Variants in XKR7 observed in about 807,000 individuals in gnomAD.
XKR7 encodes XK related 7, also known as XK-related protein 7.
A neutral mutation model predicts 42.2 loss-of-function variants in XKR7; 11 were observed. The ratio of observed to expected loss-of-function variants is 0.26; its 90% CI spans 0.16 to 0.43. The LOEUF (loss-of-function observed/expected upper bound fraction) is 0.43, where lower values mean the gene tolerates loss of function less well. Ranked by LOEUF, XKR7 falls within the 20% of genes least tolerant of loss-of-function variation. The pLI, the probability that XKR7 is intolerant of heterozygous loss-of-function variation, is 1.00. For missense variants in XKR7, 710 were observed against 802.2 expected (o/e 0.89, Z 1.39); for synonymous variants, 346 against 366.4 (o/e 0.94, Z 0.64).
chr20:31,995,996 C>T lies in XKR7; in HGVS notation c.788-509C>T, dbSNP rs902023365. The stretch of plus-strand genomic sequence containing the variant: ...CCCAGTTACGGGGTCCCAATCACAA[C>T]GCTTCCCACCTTGGGTCTCCCCATC... On this transcript the variant is annotated intron_variant, in intron 2 of 2. Coordinates refer to ENST00000562532, the MANE Select transcript of XKR7 (RefSeq NM_001011718.2). This position sits in a 1 kb window ranked among gnomAD's most constrained non-coding sequence, Gnocchi z 4.1. Among the ~76,000 whole-genome samples, 3 of 152,040 alleles carry T rather than the reference C, an allele frequency of 2.0e-5. No individual in the cohort carries two copies. The highest frequency in any genetic ancestry group is 6.5e-5 in the Admixed American group (1 of 15,270).
Position 31,989,364 on chromosome 20 carries a change from A to C in XKR7, c.585-5704A>C, listed in dbSNP as rs2064558758. Reference sequence around the variant, plus strand: ...AGAAACAGGCAGGGCCAGATGGTTTAGGGCCTGCACGCCGAGGGGAGAAGC... The same window carrying C: ...AGAAACAGGCAGGGCCAGATGGTTTCGGGCCTGCACGCCGAGGGGAGAAGC... On this transcript the variant is annotated intron_variant, in intron 1 of 2. Coordinates refer to ENST00000562532, the MANE Select transcript of XKR7 (RefSeq NM_001011718.2). 2.0e-5 allele frequency among the ~76,000 whole-genome samples: 3 copies of C among 152,028 alleles called. No homozygotes were observed. The South Asian group carries it at 6.3e-4, about 32-fold the overall frequency.
rs544270496 is a variant in XKR7, at chr20:31,971,189, A to G, written c.584+2430A>G. On this transcript the variant is annotated intron_variant, in intron 1 of 2. Coordinates refer to ENST00000562532, the MANE Select transcript of XKR7 (RefSeq NM_001011718.2). ...TTGAACTATGTGGGTGAGGACGGGAACAGTGTGTATTGTGGGGAAAAGGCT... is the reference window on the plus strand; with the variant it reads ...TTGAACTATGTGGGTGAGGACGGGAGCAGTGTGTATTGTGGGGAAAAGGCT... Among the ~76,000 whole-genome samples, 225 of 137,516 alleles carry G rather than the reference A, an allele frequency of 1.6e-3. 3 individuals are homozygous for G. The South Asian group carries it at 0.017, about 11-fold the overall frequency. The allele number at this position is 137,516 out of a possible 152,430, so 90.2% of individuals were successfully genotyped here.
chr20:31,990,179 C>CATGT (rs141462509), intron 1 of XKR7, among the ~76,000 whole-genome samples: 1 of 144,148 alleles, frequency 6.9e-6, no homozygotes, highest in African/African-American at 2.6e-5. Flanking sequence ...AAATTCATTG[C>CATGT]GTGTGTGTGT....
At chr20:31,991,866 C>A (rs1357210787) in intron 1 of XKR7, among the ~76,000 whole-genome samples, 3 of 152,216 alleles carry the variant, frequency 2.0e-5, no homozygotes, top group Non-Finnish European at 4.4e-5. Flanking sequence ...ACCTGTTATC[C>A]CAGCACTTTG....
rs2064619173 is a variant in XKR7 at position 32,000,444 on chromosome 20, C to G, written c.*2987C>G. On this transcript the variant is annotated 3_prime_UTR_variant, in exon 3 of 3. Coordinates refer to ENST00000562532, the MANE Select transcript of XKR7 (RefSeq NM_001011718.2). Reference sequence around the variant, plus strand: ...AGGGTCCTTGCAGCCCAGAGGGTCCCTGAGGGTTCCTTAAGCCACCTGCCC... The same window carrying G: ...AGGGTCCTTGCAGCCCAGAGGGTCCGTGAGGGTTCCTTAAGCCACCTGCCC... The G allele has an allele frequency of 6.6e-6, 1 of 152,518 alleles. No homozygotes were observed. The highest frequency in any genetic ancestry group is 1.5e-5 in the Non-Finnish European group (1 of 68,342). The allele number at this position is 152,518 out of a possible 1,614,324, so 9.4% of individuals were successfully genotyped here.
chr20:31,979,353 C>G (rs2064500803), intron 1 of XKR7, among the ~76,000 whole-genome samples: 1 of 152,186 alleles, frequency 6.6e-6, no homozygotes, highest in Non-Finnish European at 1.5e-5. Flanking sequence ...GTGCTGGGAT[C>G]ACAGGCATAA....
rs963433744 is a variant in XKR7, at chr20:31,974,261, G to A, written c.584+5502G>A. On this transcript the variant is annotated intron_variant, in intron 1 of 2. Transcript: ENST00000562532. ...GCAGAGTAAGCCTGGAGATGCATGA[G>A]GAGGCTGCTACAAAGATGCAGGAGA... is the stretch of plus-strand genomic sequence containing the variant. Among the ~76,000 whole-genome samples the A allele has an allele frequency of 4.6e-5, 7 of 152,168 alleles. No individual in the cohort carries two copies. The South Asian group carries it at 1.4e-3, about 32-fold the overall frequency.
In XKR7 at chr20:31,995,509, C is replaced by T. The variant is rs531755493; in HGVS notation, c.787+239C>T. Reference sequence around the variant, plus strand: ...GAGGAGGGACCTGGCCCCTCCACTCCCTCGACACCCATCAGCCCCCCTGGG... The same window carrying T: ...GAGGAGGGACCTGGCCCCTCCACTCTCTCGACACCCATCAGCCCCCCTGGG... On this transcript the variant is annotated intron_variant, in intron 2 of 2. Transcript: ENST00000562532. The surrounding 1 kb of genome is among the most constrained non-coding windows in gnomAD (Gnocchi z 4.1). 1.3e-5 allele frequency among the ~76,000 whole-genome samples: 2 copies of T among 152,156 alleles called. No individual in the cohort carries two copies. Among genetic ancestry groups the T allele is most frequent in the African/African-American group, 2.4e-5 (1 of 41,502 alleles).
chr20:31,987,802 G>T (rs2064549887), intron 1 of XKR7, among the ~76,000 whole-genome samples: 1 of 152,336 alleles, frequency 6.6e-6, no homozygotes. Context: ...TCTAAGGGCA[G>T]GCAGACAGGC....
At chr20:31,983,279 G>C (rs1358552784) in intron 1 of XKR7, among the ~76,000 whole-genome samples, 1 of 152,182 alleles carries the variant, frequency 6.6e-6, no homozygotes, top group Non-Finnish European at 1.5e-5. Context: ...GGAAAGACAG[G>C]CAATAAATAT....
intron 1 of XKR7, among the ~76,000 whole-genome samples, chr20:31,991,521 C>A (rs970756459): frequency 6.6e-6 from 1 of 152,160 alleles, no homozygotes; most frequent in African/African-American, 2.4e-5. Flanking sequence ...GGCTTTCCTC[C>A]AAGCCAGCCT....
At position 31,968,871 on chromosome 20, in the gene XKR7, T is replaced by C; in HGVS notation, c.584+112T>C. 3 of 1,375,458 alleles carry C rather than the reference T, an allele frequency of 2.2e-6. No homozygotes were observed. Among genetic ancestry groups the C allele is most frequent in the Admixed American group, 3.1e-5 (1 of 32,724 alleles). The allele number at this position is 1,375,458 out of a possible 1,614,324, so 85.2% of individuals were successfully genotyped here. On this transcript the variant is annotated intron_variant, in intron 1 of 2. Transcript: ENST00000562532. The surrounding 1 kb of genome is among the most constrained non-coding windows in gnomAD (Gnocchi z 4.5). ...TCCGGGCTACCCTCCTGTCCTGACC[T>C]CCCCCCCTCCCCACCCCATTGCAGC... is the stretch of plus-strand genomic sequence containing the variant.
At chr20:31,979,894 A>G (rs1393476171) in intron 1 of XKR7, among the ~76,000 whole-genome samples, 5 of 152,094 alleles carry the variant, frequency 3.3e-5, no homozygotes, top group African/African-American at 1.2e-4. Flanking sequence ...CATTTCACAG[A>G]TGGGGAAACT....
At chr20:31,979,264 G>A (rs2064500388) in intron 1 of XKR7, among the ~76,000 whole-genome samples, 2 of 151,440 alleles carry the variant, frequency 1.3e-5, no homozygotes, top group Admixed American at 6.6e-5. Context: ...ACCCAGGCAA[G>A]AATGCAGTGC....
chr20:31,993,929 T>C (rs556756991), intron 1 of XKR7, among the ~76,000 whole-genome samples: 4 of 152,062 alleles, frequency 2.6e-5, no homozygotes, highest in African/African-American at 9.6e-5. Flanking sequence ...GGGCAGGGTG[T>C]TTTAGGGAGA....
chr20:31,997,536 C>G lies in XKR7; in HGVS notation c.*79C>G. On this transcript the variant is annotated 3_prime_UTR_variant, in exon 3 of 3. Transcript: ENST00000562532. ...CAGTGTTGTGCCCCGAATTTCAGGG[C>G]CACCAGGCTAAGGGGGAGTGGATCT... 1.5e-6 allele frequency: 2 copies of G among 1,341,948 alleles called. No individual in the cohort carries two copies. Among genetic ancestry groups the G allele is most frequent in the Non-Finnish European group, 2.0e-6 (2 of 992,172 alleles). The allele number at this position is 1,341,948 out of a possible 1,614,324, so 83.1% of individuals were successfully genotyped here.
At chr20:31,973,423 A>G (rs12481576) in intron 1 of XKR7, among the ~76,000 whole-genome samples, 13,621 of 152,242 alleles carry the variant, frequency 0.089, 664 homozygotes, top group Middle Eastern at 0.17. Flanking sequence ...TGAAGGAACC[A>G]ATAAGAAAAT....
At chr20:31,980,483 C>T (rs572647244) in intron 1 of XKR7, among the ~76,000 whole-genome samples, 1 of 152,296 alleles carries the variant, frequency 6.6e-6, no homozygotes, top group African/African-American at 2.4e-5. Flanking sequence ...GTTCCCATGC[C>T]CCACGGTGAA....
chr20:31,995,378 GCTCA>G lies in XKR7; in HGVS notation c.787+113_787+116del. ...GTGGGCTTCCCCACCCCAGCTCAGG[GCTCA>G]CTCAGTCAGGGTTTAGGGAGGCCTG... On this transcript the variant is annotated intron_variant, in intron 2 of 2. Transcript: ENST00000562532. The surrounding 1 kb of genome is among the most constrained non-coding windows in gnomAD (Gnocchi z 4.1). 6.7e-7 allele frequency: 1 copy of G among 1,501,110 alleles called. No homozygotes were observed. Among genetic ancestry groups the G allele is most frequent in the Non-Finnish European group, 8.8e-7 (1 of 1,132,596 alleles). 93.0% of individuals were successfully genotyped at this position (1,501,110 alleles called of 1,614,324 possible). A position where few individuals can be genotyped will look rare whatever the true frequency, so the allele number is the denominator to read the frequency against.
Sources: allele counts gnomAD v4.1 joint callset (sites outside exome capture counted in the v4.1 genomes callset), GRCh38; gene constraint gnomAD v4.1.1; non-coding constraint Gnocchi (gnomAD v3.1); transcripts MANE v1.5; gene names NCBI Gene and HGNC (gene_info 2026-07-23, HGNC 2026-07-21).